The following KIF13A variants were observed in gnomAD, a reference collection of about 807,000 sequenced individuals.
KIF13A encodes the protein kinesin family member 13A.
KIF13A carries 79 observed loss-of-function variants against 212.2 expected under a neutral mutation model. The observed-to-expected ratio is 0.37, with a 90% CI of 0.31 to 0.45. KIF13A has a LOEUF of 0.45. Among genes scored for constraint, KIF13A ranks in the 20% least tolerant of loss-of-function variants. The pLI is 1.00. For missense variants in KIF13A, 1,901 were observed against 2,209.0 expected (o/e 0.86, Z 2.79); for synonymous variants, 789 against 808.6 (o/e 0.98, Z 0.41).
rs1317591983 is a variant in KIF13A at position 17,843,312 on chromosome 6, T to C, written c.831-5729A>G. ...CGAGTGCTACTTGCTAACAGAACAC[T>C]GGTTTTCCTGGAAGCAATGTGCTGG... On this transcript the variant is annotated intron_variant, in intron 9 of 38. Transcript: ENST00000259711. The surrounding 1 kb of genome is among the most constrained non-coding windows in gnomAD (Gnocchi z 5.3). 6.6e-6 allele frequency among the ~76,000 whole-genome samples: 1 copy of C among 152,206 alleles called. No homozygotes were observed. Among genetic ancestry groups the C allele is most frequent in the African/African-American group, 2.4e-5 (1 of 41,458 alleles).
Position 17,816,098 on chromosome 6 carries a change from T to C in KIF13A, c.2000+922A>G, listed in dbSNP as rs545494964. On this transcript the variant is annotated intron_variant, in intron 17 of 38. Transcript: ENST00000259711. This position sits in a 1 kb window ranked among gnomAD's most constrained non-coding sequence, Gnocchi z 4.3. ...ATTTTTTCTTTTTTTTCTGTATTTT[T>C]AGTAGAGACAGGGTTTCACCATGTT... is the stretch of plus-strand genomic sequence containing the variant. 1.1e-4 allele frequency among the ~76,000 whole-genome samples: 17 copies of C among 151,694 alleles called. No homozygotes were observed. Among genetic ancestry groups the C allele is most frequent in the African/African-American group, 3.1e-4 (13 of 41,374 alleles).
At chr6:17,878,982 C>T (rs1160299679) in intron 3 of KIF13A, among the ~76,000 whole-genome samples, 1 of 152,144 alleles carries the variant, frequency 6.6e-6, no homozygotes, top group Non-Finnish European at 1.5e-5. Context: ...TACCTCAAAC[C>T]AGTCTTGGAG....
In KIF13A at chr6:17,811,834, TTTC is replaced by T. The variant is rs1763454611; in HGVS notation, c.2001-2907_2001-2905del. Among the ~76,000 whole-genome samples, 1 of 149,748 alleles carries T rather than the reference TTTC, an allele frequency of 6.7e-6. No homozygotes were observed. Among genetic ancestry groups the T allele is most frequent in the African/African-American group, 2.4e-5 (1 of 40,934 alleles). The stretch of plus-strand genomic sequence containing the variant: ...CCTTCCTTCCTTCTCTCCCTCCCTT[TTTC>T]TTTCTTTCCTTCTCTCTCTCTCTTT... On this transcript the variant is annotated intron_variant, in intron 17 of 38. Transcript: ENST00000259711. This position sits in a 1 kb window ranked among gnomAD's most constrained non-coding sequence, Gnocchi z 6.0.
Position 17,837,568 on chromosome 6 carries a change from C to T in KIF13A, c.846G>A (p.Leu282=), listed in dbSNP as rs1356577218. Residue 282 remains leucine, a synonymous_variant, in exon 10 of 39, where the codon TTG becomes TTA. Transcript: ENST00000259711. The surrounding 1 kb of genome is among the most constrained non-coding windows in gnomAD (Gnocchi z 5.4). Reference sequence around the variant, plus strand: ...CAGCCAGTGATGATATAACCAACCCCAAGGTTGTAAGCGATCTGTCAAGAA... The same window carrying T: ...CAGCCAGTGATGATATAACCAACCCTAAGGTTGTAAGCGATCTGTCAAGAA... ...GSNINKSLTT[L]GLVISSLADQ... 4 of 1,605,722 alleles carry T rather than the reference C, an allele frequency of 2.5e-6. No individual in the cohort carries two copies. The highest frequency in any genetic ancestry group is 1.7e-5 in the Admixed American group (1 of 58,878).
At chr6:17,847,702 A>T (rs923772600) in intron 9 of KIF13A, among the ~76,000 whole-genome samples, 2 of 152,230 alleles carry the variant, frequency 1.3e-5, no homozygotes, top group Admixed American at 6.5e-5. Flanking sequence ...ATTATAAAAA[A>T]CAACAGCTAT....
At chr6:17,973,904 T>C (rs1046906159) in intron 2 of KIF13A, among the ~76,000 whole-genome samples, 19 of 152,162 alleles carry the variant, frequency 1.2e-4, no homozygotes, top group Non-Finnish European at 2.9e-5. Flanking sequence ...CCAGAAAGCT[T>C]AGAAAGAACC....
downstream of KIF13A, among the ~76,000 whole-genome samples, chr6:17,761,380 C>T (rs1043467155): frequency 1.5e-4 from 22 of 149,594 alleles, no homozygotes; most frequent in African/African-American, 4.5e-4. Flanking sequence ...TATGCCTGGC[C>T]GCCAAAATTT....
chr6:17,864,788 C>A (rs1303414207), intron 4 of KIF13A, among the ~76,000 whole-genome samples: 2 of 152,214 alleles, frequency 1.3e-5, no homozygotes, highest in Non-Finnish European at 1.5e-5. Flanking sequence ...TTGTACCCAG[C>A]CTGACAGAGA....
chr6:17,852,136 A>G (rs1223682168), intron 6 of KIF13A, 94 bp from the exon 7 acceptor site: 1 of 560,038 alleles, frequency 1.8e-6, no homozygotes, highest in East Asian at 3.5e-5. Context: ...TAACAATTTC[A>G]AAAGAATTTT....
rs116132445 is a variant in KIF13A, at chr6:17,776,517, T to C, written c.4170+760A>G. Among the ~76,000 whole-genome samples, 621 of 152,354 alleles carry C rather than the reference T, an allele frequency of 4.1e-3. 8 individuals are homozygous for C. Among genetic ancestry groups the C allele is most frequent in the African/African-American group, 0.014 (573 of 41,580 alleles). On this transcript the variant is annotated intron_variant, in intron 34 of 38. Coordinates refer to ENST00000259711, the MANE Select transcript of KIF13A (RefSeq NM_022113.6). This position sits in a 1 kb window ranked among gnomAD's most constrained non-coding sequence, Gnocchi z 4.6. ...CTCTTATCTATTTCTAATAAATGCA[T>C]TGTGGTCAGAAGAAGTAATCTGTGT...
chr6:17,806,864 C>T (rs138137856), intron 18 of KIF13A, among the ~76,000 whole-genome samples: 184 of 152,220 alleles, frequency 1.2e-3, no homozygotes, highest in African/African-American at 4.1e-3. Flanking sequence ...GGGCAAAGAG[C>T]GAAACTCTGT....
intron 2 of KIF13A, among the ~76,000 whole-genome samples, chr6:17,981,211 A>G (rs1278741545): frequency 2.6e-5 from 4 of 152,040 alleles, no homozygotes; most frequent in African/African-American, 9.7e-5. Flanking sequence ...AGACATAGCC[A>G]TTATTTTTTT....
intron 4 of KIF13A, among the ~76,000 whole-genome samples, chr6:17,862,887 G>A (rs771488748): frequency 6.6e-5 from 10 of 152,190 alleles, no homozygotes; most frequent in Non-Finnish European, 8.8e-5. Flanking sequence ...GGTGGATGTC[G>A]CAGTGAGCCG....
At chr6:17,807,919 T>A (rs1209262672) in intron 18 of KIF13A, among the ~76,000 whole-genome samples, 1 of 152,186 alleles carries the variant, frequency 6.6e-6, no homozygotes. Context: ...GTTCCCCTGA[T>A]AAACAACAAC....
chr6:17,923,451 T>C (rs1775251031), intron 2 of KIF13A, among the ~76,000 whole-genome samples: 1 of 151,652 alleles, frequency 6.6e-6, no homozygotes, highest in South Asian at 2.1e-4. Context: ...ATTCAGTAAG[T>C]CTTCACAATT....
intron 6 of KIF13A, among the ~76,000 whole-genome samples, chr6:17,854,221 C>T (rs910978526): frequency 2.6e-5 from 4 of 152,172 alleles, no homozygotes; most frequent in Non-Finnish European, 1.5e-5. Flanking sequence ...TCACTGCAAC[C>T]TCTGTCTCCT....
At position 17,984,137 on chromosome 6, in the gene KIF13A, G is replaced by A. The variant is rs189135804; in HGVS notation, c.146+2917C>T. Among the ~76,000 whole-genome samples, 2 of 152,176 alleles carry A rather than the reference G, an allele frequency of 1.3e-5. No homozygotes were observed. The highest frequency in any genetic ancestry group is 2.1e-4 in the South Asian group (1 of 4,822). ...TCACAGCCTCCAGGGAGAGAAAGAG[G>A]AAACAGAGAATTTTGAAATTATGTG... On this transcript the variant is annotated intron_variant, in intron 2 of 38. Coordinates refer to ENST00000259711, the MANE Select transcript of KIF13A (RefSeq NM_022113.6). The surrounding 1 kb of genome is among the most constrained non-coding windows in gnomAD (Gnocchi z 5.0).
rs553507164 is a variant in KIF13A at position 17,834,888 on chromosome 6, A to T, written c.1156-817T>A. Among the ~76,000 whole-genome samples, 2 of 152,262 alleles carry T rather than the reference A, an allele frequency of 1.3e-5. No individual in the cohort carries two copies. Among genetic ancestry groups the T allele is most frequent in the East Asian group, 3.9e-4 (2 of 5,174 alleles). On this transcript the variant is annotated intron_variant, in intron 11 of 38. Coordinates refer to ENST00000259711, the MANE Select transcript of KIF13A (RefSeq NM_022113.6). This position sits in a 1 kb window ranked among gnomAD's most constrained non-coding sequence, Gnocchi z 4.0. ...GACAGTGGCATTTAGTGCTGAGTAC[A>T]GTGGGACATATATGAAAATTATAGG...
intron 2 of KIF13A, among the ~76,000 whole-genome samples, chr6:17,929,590 C>A (rs528955954): frequency 6.6e-6 from 1 of 151,974 alleles, no homozygotes; most frequent in African/African-American, 2.4e-5. Flanking sequence ...TTAGTAGAGA[C>A]GGGGTTTCAC....
Sources: allele counts gnomAD v4.1 joint callset (sites outside exome capture counted in the v4.1 genomes callset), GRCh38; gene constraint gnomAD v4.1.1; non-coding constraint Gnocchi (gnomAD v3.1); transcripts MANE v1.5; gene names NCBI Gene and HGNC (gene_info 2026-07-23, HGNC 2026-07-21).